The following ANKRD55 variants were observed in gnomAD, a reference collection of about 807,000 sequenced individuals.
The protein encoded by ANKRD55 is ankyrin repeat domain 55, also known as ankyrin repeat domain-containing protein 55.
ANKRD55 carries 41 observed loss-of-function variants against 60.6 expected under a neutral mutation model. The observed-to-expected ratio is 0.68, with a 90% CI of 0.53 to 0.88. The LOEUF is 0.88. Among genes scored for constraint, ANKRD55 ranks in the 40% least tolerant of loss-of-function variants. ANKRD55 has a pLI of 0.00. For missense variants in ANKRD55, 732 were observed against 767.6 expected, an observed-to-expected ratio of 0.95 and a Z score of 0.55; for synonymous variants, 264 against 290.3, an observed-to-expected ratio of 0.91 and a Z score of 0.92.
chr5:56,176,355 GT>G, intron 3 of ANKRD55, 73 bp from the exon 4 acceptor site: 1 of 1,574,206 alleles, frequency 6.4e-7, no homozygotes. Context: ...TTATTGGCCT[GT>G]TCATTTATTT....
At chr5:56,128,087 G>A (rs187881241) in intron 7 of ANKRD55, among the ~76,000 whole-genome samples, 1 of 152,232 alleles carries the variant, frequency 6.6e-6, no homozygotes, top group East Asian at 1.9e-4. Flanking sequence ...ATACATCGAA[G>A]GAGTCTGAAA....
At chr5:56,178,120 C>T (rs1440403772) in intron 3 of ANKRD55, among the ~76,000 whole-genome samples, 1 of 152,148 alleles carries the variant, frequency 6.6e-6, no homozygotes, top group Non-Finnish European at 1.5e-5. Flanking sequence ...ACCACTGTAC[C>T]TGGTACCGGG....
chr5:56,111,020 C>A, intron 10 of ANKRD55, 98 bp downstream of exon 10: 1 of 1,400,746 alleles, frequency 7.1e-7, no homozygotes, highest in Non-Finnish European at 9.7e-7. Context: ...CTCACCCTGC[C>A]TTCTAGGCTA....
intron 6 of ANKRD55, among the ~76,000 whole-genome samples, chr5:56,147,496 T>C (rs1757927856): frequency 6.6e-6 from 1 of 152,222 alleles, no homozygotes; most frequent in Admixed American, 6.5e-5. Flanking sequence ...GAAAGTGCAG[T>C]TGGCAAACAT....
At chr5:56,161,034 G>A (rs1471902378) in intron 5 of ANKRD55, 1 of 152,174 alleles carries the variant, frequency 6.6e-6, no homozygotes, top group African/African-American at 2.4e-5. Context: ...AGGATTAAAT[G>A]AGTTAATATG....
intron 2 of ANKRD55, among the ~76,000 whole-genome samples, chr5:56,201,104 G>A (rs943650482): frequency 1.3e-5 from 2 of 152,132 alleles, no homozygotes; most frequent in African/African-American, 2.4e-5. Flanking sequence ...ATGGCAGGAC[G>A]GGAAGAATCA....
At chr5:56,152,422 T>G (rs1004939759) in intron 6 of ANKRD55, among the ~76,000 whole-genome samples, 1 of 152,162 alleles carries the variant, frequency 6.6e-6, no homozygotes, top group Admixed American at 6.5e-5. Flanking sequence ...TAATATATCC[T>G]AAACAATATA....
At chr5:56,116,036 G>C (rs1756874792) in intron 9 of ANKRD55, among the ~76,000 whole-genome samples, 2 of 151,872 alleles carry the variant, frequency 1.3e-5, no homozygotes, top group African/African-American at 4.8e-5. Context: ...TGTATTTTTA[G>C]TAGAGGTGGG....
intron 6 of ANKRD55, among the ~76,000 whole-genome samples, chr5:56,159,496 G>T (rs907497198): frequency 4.6e-5 from 7 of 151,820 alleles, no homozygotes; most frequent in Non-Finnish European, 1.0e-4. Flanking sequence ...TTGAGCCACC[G>T]CTTGCTACTA....
intron 2 of ANKRD55, among the ~76,000 whole-genome samples, chr5:56,197,741 A>G (rs1220889174): frequency 6.6e-6 from 1 of 152,196 alleles, no homozygotes; most frequent in Non-Finnish European, 1.5e-5. Context: ...TAAATTTCAG[A>G]GGAGTTTTTC....
chr5:56,122,379 G>A (rs1043053846), intron 8 of ANKRD55, among the ~76,000 whole-genome samples: 36 of 152,100 alleles, frequency 2.4e-4, no homozygotes, highest in African/African-American at 7.0e-4. Context: ...GGCCAGGCAC[G>A]GTGGCTAACA....
At chr5:56,179,977 A>G (rs1469500573) in intron 3 of ANKRD55, among the ~76,000 whole-genome samples, 1 of 152,082 alleles carries the variant, frequency 6.6e-6, no homozygotes, top group African/African-American at 2.4e-5. Flanking sequence ...AATACACGAG[A>G]CTGGGTAATT....
intron 2 of ANKRD55, among the ~76,000 whole-genome samples, chr5:56,200,712 T>C (rs1214130473): frequency 6.6e-6 from 1 of 152,224 alleles, no homozygotes; most frequent in East Asian, 1.9e-4. Context: ...CTGCCTAAGC[T>C]GTGACCCTTT....
In ANKRD55 at chr5:56,102,462, A is replaced by G. The variant is rs765543474; in HGVS notation, c.1723+32T>C. ...TGTGTCTAGATATGTTAACACTTGC[A>G]AAGGAAGCTGCGGAAGATTCATAAT... On this transcript the variant is annotated intron_variant, in intron 11 of 11. Transcript: ENST00000341048. 25 of 1,459,506 alleles carry G rather than the reference A, an allele frequency of 1.7e-5. No homozygotes were observed. The East Asian group carries it at 5.5e-4, about 32-fold the overall frequency. 90.4% of individuals were successfully genotyped at this position (1,459,506 alleles called of 1,614,324 possible). A position where few individuals can be genotyped will look rare whatever the true frequency, so the allele number is the denominator to read the frequency against.
intron 2 of ANKRD55, among the ~76,000 whole-genome samples, chr5:56,226,133 G>C (rs963552123): frequency 1.3e-5 from 2 of 152,140 alleles, no homozygotes; most frequent in Non-Finnish European, 2.9e-5. Flanking sequence ...CCAAAACAGA[G>C]ATATAGACCA....
rs1251422134 is a variant in ANKRD55, at chr5:56,127,565, G to C, written c.613-459C>G. The C allele has an allele frequency of 7.1e-6, 7 of 985,220 alleles. No individual in the cohort carries two copies. In the Admixed American group the frequency reaches 4.3e-4, roughly 61 times the overall value. 61.0% of individuals were successfully genotyped at this position (985,220 alleles called of 1,614,324 possible). On this transcript the variant is annotated intron_variant, in intron 7 of 11. Coordinates refer to ENST00000341048, the MANE Select transcript of ANKRD55 (RefSeq NM_024669.3). ...ATGATGAGTACTGATTGGTGGCGCAGTGATGCACTTAAAAAGCTTGTTTCG... is the reference window on the plus strand; with the variant it reads ...ATGATGAGTACTGATTGGTGGCGCACTGATGCACTTAAAAAGCTTGTTTCG...
At chr5:56,138,263 G>A (rs555618490) in intron 7 of ANKRD55, among the ~76,000 whole-genome samples, 30 of 151,982 alleles carry the variant, frequency 2.0e-4, no homozygotes, top group African/African-American at 6.5e-4. Flanking sequence ...GAGCAGCTGG[G>A]ATTACAGGCA....
At chr5:56,169,316 A>G (rs913330032) in intron 5 of ANKRD55, among the ~76,000 whole-genome samples, 3 of 152,228 alleles carry the variant, frequency 2.0e-5, no homozygotes, top group Non-Finnish European at 2.9e-5. Flanking sequence ...GCAATTACGT[A>G]GAGTAAATTA....
At chr5:56,217,729 C>G (rs753782795) in intron 2 of ANKRD55, among the ~76,000 whole-genome samples, 1 of 151,974 alleles carries the variant, frequency 6.6e-6, no homozygotes, top group African/African-American at 2.4e-5. Context: ...CCCATCTCTA[C>G]TAAAAATACA....
Sources: gnomAD v4.1 joint callset for allele counts (sites outside exome capture counted in the v4.1 genomes callset) on GRCh38, gnomAD v4.1.1 for gene constraint, MANE v1.5 for transcripts, NCBI Gene and HGNC (gene_info 2026-07-23, HGNC 2026-07-21) for gene names.